CLIC5: variants seen among roughly 807,000 people sequenced by gnomAD.
The protein encoded by CLIC5 is chloride intracellular channel protein 5.
CLIC5 carries 20 observed loss-of-function variants against 24.7 expected under a neutral mutation model. The ratio of observed to expected loss-of-function variants is 0.81; its 90% CI spans 0.57 to 1.18. CLIC5 has a LOEUF of 1.18. Among genes scored for constraint, CLIC5 ranks in the 50% most tolerant of loss-of-function variants. The pLI is 0.00. For synonymous variants in CLIC5, 159 were observed against 135.6 expected (o/e 1.17, Z -1.20); for missense variants, 341 against 326.1 (o/e 1.05, Z -0.35).
intron 1 of CLIC5, among the ~76,000 whole-genome samples, chr6:46,040,294 G>A (rs1367845770): frequency 2.0e-5 from 3 of 152,134 alleles, no homozygotes; most frequent in African/African-American, 4.8e-5. Flanking sequence ...AACGCGATTG[G>A]TAGTATTTGA....
intron 6 of CLIC5, among the ~76,000 whole-genome samples, chr6:45,889,225 T>C (rs79203587): frequency 0.081 from 9,641 of 118,660 alleles, 787 homozygotes; most frequent in African/African-American, 0.24. Flanking sequence ...AGGGAAATTA[T>C]TTCTGGTTGC....
intron 1 of CLIC5, among the ~76,000 whole-genome samples, chr6:46,050,552 C>A (rs909750784): frequency 6.6e-6 from 1 of 152,156 alleles, no homozygotes; most frequent in African/African-American, 2.4e-5. Context: ...AGATGCCAAA[C>A]CAATTTGCTG....
rs552978661 is a variant in CLIC5 at position 45,980,394 on chromosome 6, A to G, written c.64-25150T>C. Among the ~76,000 whole-genome samples the G allele has an allele frequency of 3.9e-5, 6 of 152,284 alleles. No homozygotes were observed. In the East Asian group the frequency reaches 1.2e-3, roughly 29 times the overall value. ...ATGGCCATAAAGATGGGAATAATAG[A>G]CACTAGGGACTACTAGAGGGGGTAG... is the stretch of plus-strand genomic sequence containing the variant. On this transcript the variant is annotated intron_variant, in intron 1 of 5. Coordinates refer to ENST00000339561, the MANE Select transcript of CLIC5 (RefSeq NM_016929.5).
chr6:45,920,885 A>G (rs546933485), intron 4 of CLIC5, among the ~76,000 whole-genome samples: 1 of 152,206 alleles, frequency 6.6e-6, no homozygotes, highest in Non-Finnish European at 1.5e-5. Flanking sequence ...AAGATATTCT[A>G]AGGGGATTTT....
intron 2 of CLIC5, among the ~76,000 whole-genome samples, chr6:45,951,112 A>T (rs1471172274): frequency 6.6e-6 from 1 of 152,208 alleles, no homozygotes; most frequent in Non-Finnish European, 1.5e-5. Flanking sequence ...TAGGTAACAC[A>T]TACATATATA....
At chr6:46,093,533 T>C in the CLIC5 span, among the ~76,000 whole-genome samples, 4 of 152,190 alleles carry the variant, frequency 2.6e-5, no homozygotes, top group Admixed American at 2.6e-4. Flanking sequence ...TTAACTCACA[T>C]GTAACAGAGG....
At chr6:45,896,846 C>T (rs1762399895), downstream of CLIC5, among the ~76,000 whole-genome samples, 2 of 152,162 alleles carry the variant, frequency 1.3e-5, no homozygotes, top group African/African-American at 2.4e-5. Context: ...AGATGCCCTA[C>T]ATTCACACAG....
chr6:46,055,649 C>T (rs547484369), intron 1 of CLIC5, among the ~76,000 whole-genome samples: 1 of 152,176 alleles, frequency 6.6e-6, no homozygotes, highest in East Asian at 1.9e-4. Flanking sequence ...TGTCTTTTTC[C>T]CCCTCATGTC....
intron 6 of CLIC5, among the ~76,000 whole-genome samples, chr6:45,885,533 G>A (rs767910939): frequency 7.9e-5 from 12 of 152,100 alleles, no homozygotes; most frequent in Admixed American, 2.0e-4. Flanking sequence ...AAGAGTGGGC[G>A]GTTATCAGCC....
chr6:46,002,917 T>C (rs1733266622), intron 1 of CLIC5, among the ~76,000 whole-genome samples: 2 of 152,246 alleles, frequency 1.3e-5, no homozygotes, highest in Non-Finnish European at 2.9e-5. Flanking sequence ...TTGCTCGCCA[T>C]TGGGAAAATG....
chr6:46,034,129 A>G (rs1767596959), intron 1 of CLIC5, among the ~76,000 whole-genome samples: 1 of 152,200 alleles, frequency 6.6e-6, no homozygotes, highest in South Asian at 2.1e-4. Context: ...TGCCGTGGGG[A>G]GACCCTTTCT....
the CLIC5 span, among the ~76,000 whole-genome samples, chr6:46,090,959 G>A: frequency 2.6e-5 from 4 of 152,146 alleles, no homozygotes; most frequent in African/African-American, 9.7e-5. Context: ...ACAACAAGCT[G>A]TTATCAATCC....
At chr6:45,991,783 A>G (rs1208229052) in intron 1 of CLIC5, among the ~76,000 whole-genome samples, 2 of 152,136 alleles carry the variant, frequency 1.3e-5, no homozygotes, top group Non-Finnish European at 2.9e-5. Context: ...GAGGGTTGCT[A>G]TAGTAGAAAG....
chr6:45,926,732 C>G (rs990632025), intron 4 of CLIC5, among the ~76,000 whole-genome samples: 2 of 152,104 alleles, frequency 1.3e-5, no homozygotes, highest in African/African-American at 4.8e-5. Flanking sequence ...TAGAATTTCC[C>G]TTGAATGTGG....
rs141433359 is a variant in CLIC5 at position 45,961,368 on chromosome 6, T to G, written c.64-6124A>C. 8.1e-3 allele frequency among the ~76,000 whole-genome samples: 1,239 copies of G among 152,278 alleles called. 15 individuals are homozygous for G. Among genetic ancestry groups the G allele is most frequent in the African/African-American group, 0.028 (1,179 of 41,558 alleles). On this transcript the variant is annotated intron_variant, in intron 1 of 5. Transcript: ENST00000339561. The stretch of plus-strand genomic sequence containing the variant: ...TTCTTTCTTTTTACTGGTAGAGAAA[T>G]AGACCCAGAAAGGTTAAATGAATTG...
intron 1 of CLIC5, among the ~76,000 whole-genome samples, chr6:46,076,607 A>T (rs1762776877): frequency 6.6e-6 from 1 of 152,200 alleles, no homozygotes; most frequent in African/African-American, 2.4e-5. Flanking sequence ...GAAGGAAAAC[A>T]GCTCTGCTGA....
At chr6:46,096,815 AAG>A in the CLIC5 span, among the ~76,000 whole-genome samples, 1 of 152,228 alleles carries the variant, frequency 6.6e-6, no homozygotes, top group African/African-American at 2.4e-5. Flanking sequence ...AACCAGACTC[AAG>A]AGAGTACTTA....
At chr6:46,023,508 T>C (rs1025146376) in intron 1 of CLIC5, among the ~76,000 whole-genome samples, 1 of 152,158 alleles carries the variant, frequency 6.6e-6, no homozygotes, top group Non-Finnish European at 1.5e-5. Context: ...GTGGGATAAG[T>C]AAATGACTAG....
At chr6:46,126,934 A>G in the CLIC5 span, among the ~76,000 whole-genome samples, 1 of 152,218 alleles carries the variant, frequency 6.6e-6, no homozygotes, top group African/African-American at 2.4e-5. Context: ...TATGTCTTAA[A>G]TTTTGAAAAC....
Sources: gnomAD v4.1 joint callset for allele counts (sites outside exome capture counted in the v4.1 genomes callset) on GRCh38, gnomAD v4.1.1 for gene constraint, MANE v1.5 for transcripts, NCBI Gene and HGNC (gene_info 2026-07-23, HGNC 2026-07-21) for gene names.